PYY: variants seen among roughly 807,000 people sequenced by gnomAD.
PYY encodes peptide tyrosine tyrosine.
PYY carries 12 observed loss-of-function variants against 10.3 expected under a neutral mutation model. The ratio of observed to expected loss-of-function variants is 1.17; its 90% CI spans 0.75 to 1.89. The LOEUF is 1.89. Among genes scored for constraint, PYY ranks in the 40% most tolerant of loss-of-function variants. The pLI, the probability that PYY is intolerant of heterozygous loss-of-function variation, is 0.00. For synonymous variants in PYY, 66 were observed against 62.0 expected (o/e 1.06, Z -0.30); for missense variants, 141 against 134.0 (o/e 1.05, Z -0.26).
At chr17:43,953,262 AGCCCCAGGG>A (rs748269211) in intron 2 of PYY, 25 bp downstream of exon 2, 3 of 1,606,166 alleles carry the variant, frequency 1.9e-6, no homozygotes, top group South Asian at 1.1e-5. Flanking sequence ...GCAGGGTGAG[AGCCCCAGGG>A]GTCCCGCTCC....
rs1555617854 is a variant in PYY at position 43,972,191 on chromosome 17, T to TTTTATTTTA, written c.-462-5660_-462-5659insTAAAATAAA. On this transcript the variant is annotated intron_variant, in intron 1 of 6. Coordinates refer to the PYY transcript ENST00000360085. Reference sequence around the variant, plus strand: ...TTAGTTATTTATTTATTTTATTTTATTTTATTTATTTATTTATTTATTTAT... The same window carrying TTTTATTTTA: ...TTAGTTATTTATTTATTTTATTTTATTTTATTTTATTTATTTATTTATTTATTTATTTAT... 5.9e-3 allele frequency among the ~76,000 whole-genome samples: 814 copies of TTTTATTTTA among 138,214 alleles called. 5 individuals carry two copies. Among genetic ancestry groups the TTTTATTTTA allele is most frequent in the East Asian group, 0.031 (149 of 4,880 alleles). 90.7% of individuals were successfully genotyped at this position (138,214 alleles called of 152,430 possible). A position where few individuals can be genotyped will look rare whatever the true frequency, so the allele number is the denominator to read the frequency against.
chr17:43,963,620 AAGAAAGAG>A (rs1442012485), intron 2 of PYY, among the ~76,000 whole-genome samples: 1 of 89,664 alleles, frequency 1.1e-5, no homozygotes, highest in Non-Finnish European at 2.8e-5. Context: ...GAAAGAAAGA[AAGAAAGAG>A]AAAGAAAGAA....
At chr17:43,989,185 T>G (rs188910467) in intron 1 of PYY, among the ~76,000 whole-genome samples, 103 of 151,862 alleles carry the variant, frequency 6.8e-4, no homozygotes, top group Non-Finnish European at 4.7e-4. Context: ...CCATCCTGGC[T>G]AACACGGTGA....
chr17:43,993,587 C>T (rs1426376890), intron 1 of PYY, among the ~76,000 whole-genome samples: 1 of 151,584 alleles, frequency 6.6e-6, no homozygotes, highest in Non-Finnish European at 1.5e-5. Context: ...TATCGTGCCA[C>T]TGCACTCCAG....
chr17:43,968,043 T>A (rs1198590135), intron 1 of PYY, among the ~76,000 whole-genome samples: 1 of 152,048 alleles, frequency 6.6e-6, no homozygotes, highest in South Asian at 2.1e-4. Flanking sequence ...GTGACAGTAG[T>A]ATCAGTGGCT....
Position 43,953,199 on chromosome 17 carries a change from G to A in PYY, c.189-10C>T. 1 of 1,613,630 alleles carries A rather than the reference G, an allele frequency of 6.2e-7. No homozygotes were observed. ...GTCTCTTTTCCCATACCTGGGGGCG[G>A]GGAAGGGAAGAGCGTGGTCAGATCT... On this transcript the variant is annotated splice_polypyrimidine_tract_variant and intron_variant, in intron 2 of 3. Coordinates refer to ENST00000692052, the MANE Select transcript of PYY (RefSeq NM_001394028.1).
At chr17:43,986,067 C>T (rs1444818057) in intron 1 of PYY, among the ~76,000 whole-genome samples, 1 of 152,140 alleles carries the variant, frequency 6.6e-6, no homozygotes, top group Non-Finnish European at 1.5e-5. Flanking sequence ...GACTACTAGC[C>T]TGACCAACAT....
intron 1 of PYY, among the ~76,000 whole-genome samples, chr17:43,967,441 C>T (rs916886322): frequency 6.6e-6 from 1 of 152,222 alleles, no homozygotes; most frequent in African/African-American, 2.4e-5. Context: ...AGAGCTGTCA[C>T]ATTCAACTCC....
chr17:43,995,716 C>T (rs529694307), intron 1 of PYY, among the ~76,000 whole-genome samples: 1 of 151,958 alleles, frequency 6.6e-6, no homozygotes, highest in Admixed American at 6.6e-5. Flanking sequence ...CGCCTGTAGT[C>T]CCAGCTACTT....
chr17:43,955,886 C>G (rs1348318679), upstream of PYY, among the ~76,000 whole-genome samples: 1 of 151,826 alleles, frequency 6.6e-6, no homozygotes, highest in African/African-American at 2.4e-5. Context: ...GGGATCAGGG[C>G]CTAGAGAAGG....
intron 1 of PYY, among the ~76,000 whole-genome samples, chr17:43,994,737 C>G (rs1351438735): frequency 6.6e-6 from 1 of 152,194 alleles, no homozygotes; most frequent in Non-Finnish European, 1.5e-5. Flanking sequence ...GCCCCTGATT[C>G]CCCCGTTAGG....
At chr17:43,983,273 C>T (rs751156876) in intron 1 of PYY, among the ~76,000 whole-genome samples, 5 of 152,038 alleles carry the variant, frequency 3.3e-5, no homozygotes, top group Non-Finnish European at 7.4e-5. Flanking sequence ...ACAACAAAAA[C>T]GCAGCTGGAG....
intron 1 of PYY, among the ~76,000 whole-genome samples, chr17:43,984,262 C>T (rs2048901912): frequency 6.6e-6 from 1 of 152,230 alleles, no homozygotes; most frequent in South Asian, 2.1e-4. Context: ...CTGGCCGAAC[C>T]CGGTGCCCTG....
intron 2 of PYY, among the ~76,000 whole-genome samples, chr17:43,963,529 AAGAAGGAAG>A (rs1458884853): frequency 1.3e-5 from 2 of 148,518 alleles, no homozygotes; most frequent in South Asian, 4.5e-4. Context: ...AAAAGAAAGA[AAGAAGGAAG>A]AGAAGGAAGG....
chr17:43,969,575 A>G (rs541603982), intron 1 of PYY, among the ~76,000 whole-genome samples: 37 of 151,788 alleles, frequency 2.4e-4, no homozygotes, highest in Admixed American at 2.4e-3. Context: ...ACCATTTGAC[A>G]AAAATTCAAA....
chr17:43,981,992 C>T (rs542314662), intron 1 of PYY, among the ~76,000 whole-genome samples: 1 of 152,186 alleles, frequency 6.6e-6, no homozygotes, highest in East Asian at 1.9e-4. Flanking sequence ...TCAATATAGT[C>T]CAATGTATCA....
chr17:43,987,656 C>T lies in PYY; in HGVS notation c.-463+16735G>A, dbSNP rs1009887996. Among the ~76,000 whole-genome samples the T allele has an allele frequency of 6.6e-6, 1 of 152,236 alleles. No homozygotes were observed. The highest frequency in any genetic ancestry group is 2.4e-5 in the African/African-American group (1 of 41,464). On this transcript the variant is annotated intron_variant, in intron 1 of 6. Coordinates refer to the PYY transcript ENST00000360085. This position sits in a 1 kb window ranked among gnomAD's most constrained non-coding sequence, Gnocchi z 4.0. Reference sequence around the variant, plus strand: ...CTGGCATGAAGAGGCCATTTCTTCCCTTTGTTCATCCAACCAACATTCACT... The same window carrying T: ...CTGGCATGAAGAGGCCATTTCTTCCTTTTGTTCATCCAACCAACATTCACT...
chr17:43,972,461 C>T (rs1000710704), intron 1 of PYY, among the ~76,000 whole-genome samples: 2 of 152,050 alleles, frequency 1.3e-5, no homozygotes, highest in Non-Finnish European at 2.9e-5. Context: ...GGTGATCTGC[C>T]TGCCTCAGCC....
At chr17:43,978,895 A>G (rs1369425563) in intron 1 of PYY, among the ~76,000 whole-genome samples, 1 of 152,196 alleles carries the variant, frequency 6.6e-6, no homozygotes, top group Non-Finnish European at 1.5e-5. Context: ...TGGTCGGTCT[A>G]ACCCTTAAAC....
Sources: allele counts gnomAD v4.1 joint callset (sites outside exome capture counted in the v4.1 genomes callset), GRCh38; gene constraint gnomAD v4.1.1; non-coding constraint Gnocchi (gnomAD v3.1); transcripts MANE v1.5; gene names NCBI Gene and HGNC (gene_info 2026-07-23, HGNC 2026-07-21).